ARGLU1: variants seen among roughly 807,000 people sequenced by gnomAD.
ARGLU1 encodes the protein arginine and glutamate-rich protein 1.
ARGLU1 carries 9 observed loss-of-function variants against 37.6 expected under a neutral mutation model. The observed-to-expected ratio is 0.24, with a 90% confidence interval of 0.14 to 0.42. The LOEUF (loss-of-function observed/expected upper bound fraction) is 0.42. Ranked by LOEUF, ARGLU1 falls within the 10% of genes least tolerant of loss-of-function variation. ARGLU1 has a pLI of 1.00. For synonymous variants in ARGLU1, 166 were observed against 138.5 expected (o/e 1.20, Z -1.39); for missense variants, 211 against 359.2 (o/e 0.59, Z 3.34).
At chr13:106,562,006 T>C (rs9514548) in intron 1 of ARGLU1, 35,279 of 152,062 alleles carry the variant, frequency 0.23, 5,315 homozygotes, top group East Asian at 0.6. Flanking sequence ...AAGTGGAAAG[T>C]CCCACGCTCA....
chr13:106,557,034 T>C lies in ARGLU1; in HGVS notation c.657+14A>G, dbSNP rs986394117. The C allele has an allele frequency of 1.0e-5, 16 of 1,605,154 alleles. No individual in the cohort carries two copies. Among genetic ancestry groups the C allele is most frequent in the Admixed American group, 1.7e-5 (1 of 59,872 alleles). ...CAAAATACAAAACACTTTTCATGTATGCTTTACACTTACCAGTTTGGCTTG... is the reference window on the plus strand; with the variant it reads ...CAAAATACAAAACACTTTTCATGTACGCTTTACACTTACCAGTTTGGCTTG... On this transcript the variant is annotated intron_variant, in intron 3 of 3. Coordinates refer to ENST00000400198, the MANE Select transcript of ARGLU1 (RefSeq NM_018011.4). The surrounding 1 kb of genome is among the most constrained non-coding windows in gnomAD (Gnocchi z 5.0).
chr13:106,556,352 G>A (rs1018931700), intron 3 of ARGLU1, among the ~76,000 whole-genome samples: 1 of 152,134 alleles, frequency 6.6e-6, no homozygotes, highest in African/African-American at 2.4e-5. Flanking sequence ...CTATTTTTCA[G>A]AAGATGATGT....
chr13:106,561,501 G>A (rs1360032790), intron 1 of ARGLU1, among the ~76,000 whole-genome samples: 3 of 151,588 alleles, frequency 2.0e-5, no homozygotes, highest in Non-Finnish European at 4.4e-5. Context: ...TAAATGTAGA[G>A]AAGCCTAAGA....
In ARGLU1 at chr13:106,566,488, C is replaced by T. The variant is rs558467492; in HGVS notation, c.347+1085G>A. On this transcript the variant is annotated intron_variant, in intron 1 of 3. Coordinates refer to ENST00000400198, the MANE Select transcript of ARGLU1 (RefSeq NM_018011.4). ...TATTCACTGAAGAACTGACCAAGTA[C>T]GGCTGGTTCAATAGGGAGTTAGTAG... 2.6e-5 allele frequency among the ~76,000 whole-genome samples: 4 copies of T among 152,286 alleles called. 1 individual carries two copies. In the South Asian group the frequency reaches 6.2e-4, roughly 24 times the overall value.
chr13:106,565,719 T>C (rs1298338389), intron 1 of ARGLU1, among the ~76,000 whole-genome samples: 4 of 152,186 alleles, frequency 2.6e-5, no homozygotes, highest in Non-Finnish European at 5.9e-5. Context: ...TTAAATAAAA[T>C]GCCTATTGTA....
rs911792752 is a variant in ARGLU1, at chr13:106,543,868, T to C, written c.*128A>G. On this transcript the variant is annotated 3_prime_UTR_variant, in exon 4 of 4. Coordinates refer to ENST00000400198, the MANE Select transcript of ARGLU1 (RefSeq NM_018011.4). ...GGGAATTGCAGAGCATAGCCCCTATTAGAACAAGCTAACTTTCCAGATTTT... is the reference window on the plus strand; with the variant it reads ...GGGAATTGCAGAGCATAGCCCCTATCAGAACAAGCTAACTTTCCAGATTTT... 1.1e-5 allele frequency: 10 copies of C among 880,534 alleles called. No individual in the cohort carries two copies. Among genetic ancestry groups the C allele is most frequent in the Non-Finnish European group, 1.5e-5 (9 of 599,398 alleles). The allele number at this position is 880,534 out of a possible 1,614,324, so 54.5% of individuals were successfully genotyped here.
At chr13:106,562,990 C>CAAAAAAAA in intron 1 of ARGLU1, among the ~76,000 whole-genome samples, 2 of 67,416 alleles carry the variant, frequency 3.0e-5, no homozygotes, top group Non-Finnish European at 5.6e-5. Flanking sequence ...GACCCTGTCT[C>CAAAAAAAA]AAAAAAAAAA....
chr13:106,547,300 T>TA (rs1347389495), intron 3 of ARGLU1, among the ~76,000 whole-genome samples: 1 of 152,204 alleles, frequency 6.6e-6, no homozygotes, highest in Non-Finnish European at 1.5e-5. Flanking sequence ...CTATCAAAAT[T>TA]ACATCTTCGT....
rs9587159 is a variant in ARGLU1, at chr13:106,565,064, T to C, written c.347+2509A>G. ...CTCACTACTCCTGTGTAAACTTCTG[T>C]ACCCACCTCTTAGTTTCCATCCTAC... On this transcript the variant is annotated intron_variant, in intron 1 of 3. Transcript: ENST00000400198. Among the ~76,000 whole-genome samples, 273 of 152,328 alleles carry C rather than the reference T, an allele frequency of 1.8e-3. 2 individuals carry two copies. Among genetic ancestry groups the C allele is most frequent in the African/African-American group, 6.4e-3 (266 of 41,570 alleles).
chr13:106,557,491 C>T lies in ARGLU1; in HGVS notation c.574-360G>A. The stretch of plus-strand genomic sequence containing the variant: ...ATAAATAAAGTGAATATTTGTCTCA[C>T]CAATTATGTATACCTACGTATTCTT... On this transcript the variant is annotated intron_variant, in intron 2 of 3. Transcript: ENST00000400198. This position sits in a 1 kb window ranked among gnomAD's most constrained non-coding sequence, Gnocchi z 5.0. 2.5e-6 allele frequency: 3 copies of T among 1,205,246 alleles called. No homozygotes were observed. The highest frequency in any genetic ancestry group is 3.3e-6 in the Non-Finnish European group (3 of 907,492). The allele number at this position is 1,205,246 out of a possible 1,614,324, so 74.7% of individuals were successfully genotyped here.
chr13:106,564,424 A>T (rs1880902087), intron 1 of ARGLU1, among the ~76,000 whole-genome samples: 1 of 152,228 alleles, frequency 6.6e-6, no homozygotes, highest in Non-Finnish European at 1.5e-5. Flanking sequence ...TCAGAATTAT[A>T]AGTGGTAAAC....
In ARGLU1 at chr13:106,543,880, A is replaced by G. The variant is rs1880325368; in HGVS notation, c.*116T>C. ...GCATAGCCCCTATTAGAACAAGCTAACTTTCCAGATTTTACAAATTAAAAA... is the reference window on the plus strand; with the variant it reads ...GCATAGCCCCTATTAGAACAAGCTAGCTTTCCAGATTTTACAAATTAAAAA... On this transcript the variant is annotated 3_prime_UTR_variant, in exon 4 of 4. Coordinates refer to ENST00000400198, the MANE Select transcript of ARGLU1 (RefSeq NM_018011.4). The G allele has an allele frequency of 9.3e-7, 1 of 1,080,566 alleles. No individual in the cohort carries two copies. The allele number at this position is 1,080,566 out of a possible 1,614,324, so 66.9% of individuals were successfully genotyped here.
At chr13:106,556,900 T>C in intron 3 of ARGLU1, 148 bp downstream of exon 3, 2 of 636,426 alleles carry the variant, frequency 3.1e-6, no homozygotes, top group Non-Finnish European at 5.4e-6. Context: ...CAATTGTTCC[T>C]ATCCTTGCCT....
chr13:106,542,209 G>C lies in ARGLU1; in HGVS notation c.*1787C>G, dbSNP rs1380460362. On this transcript the variant is annotated 3_prime_UTR_variant, in exon 4 of 4. Coordinates refer to ENST00000400198, the MANE Select transcript of ARGLU1 (RefSeq NM_018011.4). ...CTACTCTCTTTAGATACAATGTTTTGAACACTTGTATAGAACAGTTTTTAA... is the reference window on the plus strand; with the variant it reads ...CTACTCTCTTTAGATACAATGTTTTCAACACTTGTATAGAACAGTTTTTAA... 6.6e-6 allele frequency: 1 copy of C among 151,064 alleles called. No homozygotes were observed. Among genetic ancestry groups the C allele is most frequent in the Non-Finnish European group, 1.5e-5 (1 of 67,876 alleles). 9.4% of individuals were successfully genotyped at this position (151,064 alleles called of 1,614,324 possible). A position where few individuals can be genotyped will look rare whatever the true frequency, so the allele number is the denominator to read the frequency against.
In ARGLU1 at chr13:106,567,097, A is replaced by G. The variant is rs995705812; in HGVS notation, c.347+476T>C. ...CCCGAGATTAGTTAAGTCCTGTCCC[A>G]AATTTGAGCTTCAATAGAATGCTTC... On this transcript the variant is annotated intron_variant, in intron 1 of 3. Transcript: ENST00000400198. The surrounding 1 kb of genome is among the most constrained non-coding windows in gnomAD (Gnocchi z 4.3). 6.6e-6 allele frequency among the ~76,000 whole-genome samples: 1 copy of G among 152,074 alleles called. No individual in the cohort carries two copies. The highest frequency in any genetic ancestry group is 2.4e-5 in the African/African-American group (1 of 41,412).
At chr13:106,565,107 A>C (rs1177207536) in intron 1 of ARGLU1, among the ~76,000 whole-genome samples, 1 of 152,198 alleles carries the variant, frequency 6.6e-6, no homozygotes, top group Non-Finnish European at 1.5e-5. Context: ...TCAAAACAAA[A>C]AAGGCACCAT....
In ARGLU1 at chr13:106,567,849, C is replaced by T. The variant is rs1594197680; in HGVS notation, c.71G>A (p.Arg24His). Reference protein sequence around the residue: ...HTKSSKHNKKRSRSRSRSRDK... With the variant: ...HTKSSKHNKKHSRSRSRSRDK... ...CCGGGATCGCGACCGGGACCGGCTGCGCTTCTTGTTGTGCTTGCTGCTCTT... is the reference window on the plus strand; with the variant it reads ...CCGGGATCGCGACCGGGACCGGCTGTGCTTCTTGTTGTGCTTGCTGCTCTT... Residue 24 changes from arginine (R) to histidine (H), a missense_variant, in exon 1 of 4, where the codon CGC (arginine) becomes CAC (histidine). This residue lies in a region of ARGLU1 where 130 missense variants were observed against 179.8 expected (regional missense o/e 0.72). Coordinates refer to ENST00000400198, the MANE Select transcript of ARGLU1 (RefSeq NM_018011.4). The surrounding 1 kb of genome is among the most constrained non-coding windows in gnomAD (Gnocchi z 4.3). 1.9e-6 allele frequency: 3 copies of T among 1,613,304 alleles called. No individual in the cohort carries two copies. The highest frequency in any genetic ancestry group is 2.5e-6 in the Non-Finnish European group (3 of 1,179,890).
intron 2 of ARGLU1, 128 bp downstream of exon 2, chr13:106,559,304 T>C (rs1440757562): frequency 1.9e-6 from 3 of 1,542,682 alleles, no homozygotes; most frequent in Non-Finnish European, 2.6e-6. Flanking sequence ...CGCAGCAATG[T>C]TAAGTTTAGA....
chr13:106,551,699 G>C (rs1181115745), intron 3 of ARGLU1, among the ~76,000 whole-genome samples: 1 of 152,170 alleles, frequency 6.6e-6, no homozygotes, highest in Non-Finnish European at 1.5e-5. Context: ...TCTCCTTCTG[G>C]AGTCTTTAGC....
Sources: allele counts gnomAD v4.1 joint callset (sites outside exome capture counted in the v4.1 genomes callset), GRCh38; gene constraint gnomAD v4.1.1; regional missense constraint gnomAD v4.1.1; non-coding constraint Gnocchi (gnomAD v3.1); transcripts MANE v1.5; gene names NCBI Gene and HGNC (gene_info 2026-07-23, HGNC 2026-07-21).